BRWD3: variants seen among roughly 807,000 people sequenced by gnomAD.
BRWD3 encodes the protein bromodomain and WD repeat domain containing 3.
Under a neutral mutation model 149.7 loss-of-function variants are expected in BRWD3, and 10 were observed. That is an observed-to-expected ratio of 0.07 (90% CI 0.04 to 0.11). BRWD3 has a LOEUF of 0.11. BRWD3 is among the 10% of genes least tolerant of loss of function. The pLI, the probability that BRWD3 is intolerant of heterozygous loss-of-function variation, is 1.00. For missense variants in BRWD3, 940 were observed against 1,373.2 expected (o/e 0.68, Z 4.99); for synonymous variants, 504 against 456.7 (o/e 1.10, Z -1.32).
At chrX:80,779,499 G>A (rs763906757) in intron 6 of BRWD3, among the ~76,000 whole-genome samples, 8 of 110,643 alleles carry the variant, frequency 7.2e-5, no homozygotes, top group Non-Finnish European at 1.5e-4. Context: ...AAGCAAAGCA[G>A]ATCGCTTGAG....
intron 35 of BRWD3, 71 bp from the exon 36 acceptor site, chrX:80,685,607 A>G (rs1431367219): frequency 2.4e-6 from 2 of 831,060 alleles, no homozygotes; most frequent in African/African-American, 4.1e-5. Context: ...TAATACAATT[A>G]TGACTTAAGT....
intron 12 of BRWD3, 62 bp downstream of exon 12, chrX:80,733,394 T>C (rs2073361325): frequency 1.1e-6 from 1 of 918,855 alleles, no homozygotes; most frequent in Non-Finnish European, 1.6e-6. Context: ...TAGCTGCATC[T>C]GAGGGAATGG....
At chrX:80,741,056 C>A (rs922802436) in intron 8 of BRWD3, among the ~76,000 whole-genome samples, 2 of 110,355 alleles carry the variant, frequency 1.8e-5, no homozygotes, top group African/African-American at 3.3e-5. Flanking sequence ...GCTATCCATC[C>A]CCCCTCCCCC....
intron 6 of BRWD3, among the ~76,000 whole-genome samples, chrX:80,783,010 A>G (rs1382205759): frequency 1.8e-5 from 2 of 111,844 alleles, no homozygotes; most frequent in Admixed American, 9.6e-5. Flanking sequence ...CTGAATAGAC[A>G]TTTCTCAAAA....
intron 6 of BRWD3, among the ~76,000 whole-genome samples, 193 bp from the exon 7 acceptor site, chrX:80,745,922 T>G (rs759729721): frequency 1.8e-5 from 2 of 110,727 alleles, no homozygotes; most frequent in South Asian, 3.8e-4. Flanking sequence ...CCAAGAATAC[T>G]CTTCCATTAA....
chrX:80,692,617 A>G (rs1369645518), intron 28 of BRWD3, among the ~76,000 whole-genome samples: 2 of 112,472 alleles, frequency 1.8e-5, no homozygotes, highest in African/African-American at 6.5e-5. Context: ...TAAGTAGTAA[A>G]TTAGTTTCCA....
At chrX:80,745,393 G>C (rs1343937751) in intron 7 of BRWD3, among the ~76,000 whole-genome samples, 176 bp downstream of exon 7, 7 of 111,695 alleles carry the variant, frequency 6.3e-5, no homozygotes, top group African/African-American at 1.9e-4. Flanking sequence ...AAACATTTTT[G>C]TTCATTCGTT....
At chrX:80,743,830 C>G in intron 8 of BRWD3, 1 of 390,795 alleles carries the variant, frequency 2.6e-6, no homozygotes, top group East Asian at 4.0e-5. Flanking sequence ...TTTAAATCAT[C>G]TTTTTAGTTA....
At chrX:80,714,420 G>C (rs1315201659) in intron 20 of BRWD3, among the ~76,000 whole-genome samples, 1 of 109,024 alleles carries the variant, frequency 9.2e-6, no homozygotes, top group Non-Finnish European at 1.9e-5. Flanking sequence ...TCTTAATCCA[G>C]ACATTCCTTT....
Position 80,687,023 on chromosome X carries a change from T to G in BRWD3, c.3865-20A>C. ...TTTGACCTACAGATTTTAATAGAGT[T>G]ATATCTAAAAGATCTTTCCTTAACT... is the stretch of plus-strand genomic sequence containing the variant. On this transcript the variant is annotated intron_variant, in intron 34 of 40. Coordinates refer to ENST00000373275, the MANE Select transcript of BRWD3 (RefSeq NM_153252.5). 5.0e-6 allele frequency: 6 copies of G among 1,203,123 alleles called. No individual in the cohort carries two copies. The highest frequency in any genetic ancestry group is 6.7e-6 in the Non-Finnish European group (6 of 889,021).
At chrX:80,691,250 A>G in intron 30 of BRWD3, 77 bp from the exon 31 acceptor site, 1 of 1,046,576 alleles carries the variant, frequency 9.6e-7, no homozygotes, top group Non-Finnish European at 1.3e-6. Flanking sequence ...TTATTCATAT[A>G]TAAACAAGAA....
intron 5 of BRWD3, among the ~76,000 whole-genome samples, chrX:80,792,906 G>A (rs1048737629): frequency 9.1e-6 from 1 of 110,367 alleles, no homozygotes; most frequent in Non-Finnish European, 1.9e-5. Context: ...GTTTACGCCT[G>A]TAATCCCAGC....
At chrX:80,763,799 T>C (rs780933254) in intron 6 of BRWD3, among the ~76,000 whole-genome samples, 1 of 111,984 alleles carries the variant, frequency 8.9e-6, no homozygotes, top group Non-Finnish European at 1.9e-5. Flanking sequence ...CAGAGTAACA[T>C]GTCAATTCTC....
intron 27 of BRWD3, among the ~76,000 whole-genome samples, chrX:80,694,660 A>T (rs1427845528): frequency 9.0e-6 from 1 of 111,401 alleles, no homozygotes; most frequent in Non-Finnish European, 1.9e-5. Flanking sequence ...TGGGAGCTTT[A>T]AAATTTGACT....
intron 35 of BRWD3, 110 bp downstream of exon 35, chrX:80,686,752 GA>G (rs1322005164): frequency 3.7e-6 from 3 of 820,590 alleles, no homozygotes; most frequent in East Asian, 3.3e-5. Flanking sequence ...CAAAAGACTG[GA>G]AAAAAAGAAA....
At chrX:80,797,012 AAAAAAT>A (rs976471814) in intron 4 of BRWD3, among the ~76,000 whole-genome samples, 2 of 111,507 alleles carry the variant, frequency 1.8e-5, no homozygotes, top group African/African-American at 6.5e-5. Flanking sequence ...TCATCTCTAC[AAAAAAT>A]AAAAATAAAA....
At chrX:80,725,919 A>G (rs1441750630) in intron 14 of BRWD3, among the ~76,000 whole-genome samples, 1 of 111,316 alleles carries the variant, frequency 9.0e-6, no homozygotes, top group Non-Finnish European at 1.9e-5. Flanking sequence ...TTACATGCCT[A>G]TATGACATAA....
At chrX:80,726,934 TAAAG>T (rs1397168982) in intron 14 of BRWD3, among the ~76,000 whole-genome samples, 1 of 110,079 alleles carries the variant, frequency 9.1e-6, no homozygotes, top group East Asian at 2.8e-4. Flanking sequence ...CAGCAAAACA[TAAAG>T]TTAGTTTGTT....
chrX:80,674,090 CTGTT>C lies in BRWD3; in HGVS notation c.*2515_*2518del, dbSNP rs893982874. The C allele has an allele frequency of 5.4e-5, 6 of 111,690 alleles. No homozygotes were observed. Among genetic ancestry groups the C allele is most frequent in the African/African-American group, 1.6e-4 (5 of 30,781 alleles). The allele number at this position is 111,690 out of a possible 1,213,427, so 9.2% of individuals were successfully genotyped here. A position where few individuals can be genotyped will look rare whatever the true frequency, so the allele number is the denominator to read the frequency against. On this transcript the variant is annotated 3_prime_UTR_variant, in exon 41 of 41. Transcript: ENST00000373275. ...AATTTGCATGCAAACAGAAAATTAT[CTGTT>C]TGTTTAATAAATGATAACTATGTTT...
Sources: allele counts gnomAD v4.1 joint callset (sites outside exome capture counted in the v4.1 genomes callset), GRCh38; gene constraint gnomAD v4.1.1; transcripts MANE v1.5; gene names NCBI Gene and HGNC (gene_info 2026-07-23, HGNC 2026-07-21).